Variants in PDXDC1 observed in about 807,000 individuals in gnomAD.
The protein encoded by PDXDC1 is pyridoxal dependent decarboxylase domain containing 1, also known as pyridoxal-dependent decarboxylase domain-containing protein 1.
PDXDC1 carries 42 observed loss-of-function variants against 100.1 expected under a neutral mutation model. That is an observed-to-expected ratio of 0.42 (90% CI 0.33 to 0.54). The LOEUF is 0.54. Among genes scored for constraint, PDXDC1 ranks in the 20% least tolerant of loss-of-function variants. The pLI is 0.10. For missense variants in PDXDC1, 636 were observed against 979.2 expected (o/e 0.65, Z 4.68); for synonymous variants, 260 against 371.7 (o/e 0.70, Z 3.46).
Position 15,131,130 on chromosome 16 carries a change from A to C in PDXDC1, c.1400-7749A>C, listed in dbSNP as rs538415554. The C allele has an allele frequency of 1.5e-4, 237 of 1,603,086 alleles. No individual in the cohort carries two copies. The African/African-American group carries it at 2.3e-3, about 15-fold the overall frequency. ...TGAGCTGCAGATGCAGCACGGCCGC[A>C]GGGTTGCTGCTGTCCAGGGTGACCA... is the stretch of plus-strand genomic sequence containing the variant. On this transcript the variant is annotated intron_variant, in intron 16 of 16. Transcript: ENST00000535621.
At chr16:15,131,087 C>A (rs772856079) in intron 16 of PDXDC1, 7 of 1,605,998 alleles carry the variant, frequency 4.4e-6, no homozygotes, top group East Asian at 2.2e-5. Context: ...CTGCACGCAC[C>A]GTCCAGCAGC....
At chr16:15,059,771 T>C (rs2044645839) in intron 16 of PDXDC1, among the ~76,000 whole-genome samples, 1 of 152,204 alleles carries the variant, frequency 6.6e-6, no homozygotes, top group Non-Finnish European at 1.5e-5. Flanking sequence ...ATGTAACTTT[T>C]TGAAAGAAGT....
intron 16 of PDXDC1, among the ~76,000 whole-genome samples, chr16:15,100,903 T>C (rs929668252): frequency 9.2e-5 from 14 of 152,134 alleles, no homozygotes; most frequent in South Asian, 2.1e-4. Context: ...TGAGGATCAA[T>C]TGAGCCCAGG....
chr16:15,024,625 C>T (rs2073587156), intron 13 of PDXDC1, among the ~76,000 whole-genome samples: 1 of 152,274 alleles, frequency 6.6e-6, no homozygotes, highest in Non-Finnish European at 1.5e-5. Flanking sequence ...GTTGGCCAGG[C>T]TGGTCTTGAA....
chr16:15,090,938 GA>G (rs1396779797), intron 16 of PDXDC1, among the ~76,000 whole-genome samples: 1 of 151,354 alleles, frequency 6.6e-6, no homozygotes, highest in Non-Finnish European at 1.5e-5. Context: ...CAGCATGGAG[GA>G]AAGAGGTAGT....
At chr16:15,009,312 T>C (rs1160356934) in intron 7 of PDXDC1, 4 of 339,830 alleles carry the variant, frequency 1.2e-5, no homozygotes, top group Admixed American at 9.2e-5. Flanking sequence ...GAGTTTTTTA[T>C]TTCTTTTGTC....
chr16:15,095,600 C>T (rs550799368), intron 16 of PDXDC1, among the ~76,000 whole-genome samples: 1 of 152,194 alleles, frequency 6.6e-6, no homozygotes, highest in South Asian at 2.1e-4. Flanking sequence ...GCCTGTTATC[C>T]CAACACTTTG....
chr16:15,097,727 T>C (rs1342250618), intron 16 of PDXDC1, among the ~76,000 whole-genome samples: 1 of 151,824 alleles, frequency 6.6e-6, no homozygotes, highest in Non-Finnish European at 1.5e-5. Context: ...CAATTGACAC[T>C]TACTCTGTGC....
rs896913454 is a variant in PDXDC1, at chr16:15,038,321, G to A, written c.*2046G>A. ...GACACAAATATATATAATAAAATAC[G>A]TTAAGAAATGAGGTGGCCTGAATTA... On this transcript the variant is annotated 3_prime_UTR_variant, in exon 23 of 23. Transcript: ENST00000396410. 93 of 791,626 alleles carry A rather than the reference G, an allele frequency of 1.2e-4. No individual in the cohort carries two copies. Among genetic ancestry groups the A allele is most frequent in the Non-Finnish European group, 1.4e-4 (72 of 504,904 alleles). The allele number at this position is 791,626 out of a possible 1,614,324, so 49.0% of individuals were successfully genotyped here.
At chr16:15,080,810 GTCTT>G (rs1008597712) in intron 16 of PDXDC1, among the ~76,000 whole-genome samples, 5 of 120,152 alleles carry the variant, frequency 4.2e-5, no homozygotes, top group Non-Finnish European at 9.4e-5. Context: ...GCAACCACTA[GTCTT>G]TCTATGAATC....
At chr16:15,093,464 C>T (rs1298883813) in intron 16 of PDXDC1, among the ~76,000 whole-genome samples, 2 of 152,176 alleles carry the variant, frequency 1.3e-5, no homozygotes, top group East Asian at 1.9e-4. Context: ...TGCCTTTCCC[C>T]CCTATGCTGT....
rs572817749 is a variant in PDXDC1 at position 15,018,596 on chromosome 16, T to C, written c.964-244T>C. Among the ~76,000 whole-genome samples the C allele has an allele frequency of 1.4e-4, 22 of 152,356 alleles. No homozygotes were observed. In the South Asian group the frequency reaches 2.9e-3, roughly 20 times the overall value. On this transcript the variant is annotated intron_variant, in intron 11 of 22. Coordinates refer to ENST00000396410, the MANE Select transcript of PDXDC1 (RefSeq NM_015027.4). ...GTTCTGGGATGTGACCCATCTGGGT[T>C]TTCCACTGGCTTTTCCTGGCTTTGC...
At chr16:14,975,021 G>T (rs1336413657), upstream of PDXDC1, 1 of 1,533,042 alleles carries the variant, frequency 6.5e-7, no homozygotes, top group East Asian at 2.5e-5. Flanking sequence ...GCCCCGCCCC[G>T]CCGCCTCTCA....
At chr16:15,058,242 C>T (rs2044593461) in intron 16 of PDXDC1, among the ~76,000 whole-genome samples, 1 of 151,780 alleles carries the variant, frequency 6.6e-6, no homozygotes, top group South Asian at 2.1e-4. Flanking sequence ...TGCAATGAGG[C>T]ACGACTGTGC....
At chr16:15,056,416 C>A (rs982711962) in intron 16 of PDXDC1, among the ~76,000 whole-genome samples, 6 of 152,368 alleles carry the variant, frequency 3.9e-5, no homozygotes, top group Non-Finnish European at 7.3e-5. Context: ...AGGTGTGTGA[C>A]CTTCCACAAG....
chr16:14,979,336 C>G (rs1256292483), intron 1 of PDXDC1, among the ~76,000 whole-genome samples: 1 of 152,242 alleles, frequency 6.6e-6, no homozygotes, highest in Non-Finnish European at 1.5e-5. Flanking sequence ...GACGCCCAGG[C>G]TAGAGTGCAG....
chr16:15,048,120 T>A lies in PDXDC1; in HGVS notation c.1399+18064T>A, dbSNP rs560964836. 1.3e-4 allele frequency: 188 copies of A among 1,460,818 alleles called. No individual in the cohort carries two copies. The East Asian group carries it at 3.1e-3, about 24-fold the overall frequency. 90.5% of individuals were successfully genotyped at this position (1,460,818 alleles called of 1,614,324 possible). ...CTTTCCTGTTTAATTAAAAAAAAAA[T>A]AAAATAGTGATGTAAATTAGTGAGG... On this transcript the variant is annotated intron_variant, in intron 16 of 16. Transcript: ENST00000535621.
chr16:14,980,559 C>G (rs1293021775), intron 1 of PDXDC1, among the ~76,000 whole-genome samples: 1 of 152,288 alleles, frequency 6.6e-6, no homozygotes, highest in Non-Finnish European at 1.5e-5. Flanking sequence ...AGTCTCGGCT[C>G]ACTGCAAGCT....
chr16:15,013,614 T>G (rs1252025776), intron 8 of PDXDC1, among the ~76,000 whole-genome samples: 2 of 152,252 alleles, frequency 1.3e-5, no homozygotes, highest in African/African-American at 2.4e-5. Context: ...TGAGAGCTCA[T>G]GCCTGTAGTC....
Sources: gnomAD v4.1 joint callset for allele counts (sites outside exome capture counted in the v4.1 genomes callset) on GRCh38, gnomAD v4.1.1 for gene constraint, MANE v1.5 for transcripts, NCBI Gene and HGNC (gene_info 2026-07-23, HGNC 2026-07-21) for gene names.